The following LRIG2 variants were observed in gnomAD, a reference collection of about 807,000 sequenced individuals.
The protein encoded by LRIG2 is leucine rich repeats and immunoglobulin like domains 2.
LRIG2 carries 93 observed loss-of-function variants against 107.8 expected under a neutral mutation model. The observed-to-expected ratio is 0.86, with a 90% CI of 0.73 to 1.03. The LOEUF (loss-of-function observed/expected upper bound fraction) is 1.03, where lower values mean the gene tolerates loss of function less well. Among genes scored for constraint, LRIG2 ranks in the 50% least tolerant of loss-of-function variants. The pLI is 0.00. For synonymous variants in LRIG2, 471 were observed against 470.6 expected (o/e 1.00, Z -0.01); for missense variants, 1,226 against 1,296.0 (o/e 0.95, Z 0.83).
intron 17 of LRIG2, among the ~76,000 whole-genome samples, chr1:113,123,499 G>A (rs1557924017): frequency 6.6e-6 from 1 of 152,188 alleles, no homozygotes; most frequent in Non-Finnish European, 1.5e-5. Flanking sequence ...GTGTGAACCC[G>A]GGAGGCGGAG....
chr1:113,123,727 T>TGTGTG, intron 17 of LRIG2, 148 bp from the exon 18 acceptor site: 4 of 596,546 alleles, frequency 6.7e-6, no homozygotes, highest in South Asian at 2.0e-5. Context: ...GTGGTGGTTT[T>TGTGTG]TGTGTGTGTG....
intron 17 of LRIG2, 60 bp from the exon 18 acceptor site, chr1:113,123,815 G>A: frequency 3.7e-6 from 5 of 1,342,432 alleles, no homozygotes; most frequent in Non-Finnish European, 2.1e-6. Context: ...TTGAGGATTT[G>A]GCTAAAAGGA....
At chr1:113,120,579 C>T (rs143963656) in intron 17 of LRIG2, among the ~76,000 whole-genome samples, 6 of 147,434 alleles carry the variant, frequency 4.1e-5, no homozygotes, top group East Asian at 4.0e-4. Context: ...GATGCCATCT[C>T]GGCTTACCAG....
chr1:113,086,153 G>A (rs924446061), intron 1 of LRIG2, among the ~76,000 whole-genome samples: 3 of 151,646 alleles, frequency 2.0e-5, no homozygotes, highest in Admixed American at 6.6e-5. Flanking sequence ...ACAGCCACAC[G>A]CCACCACACC....
intron 1 of LRIG2, among the ~76,000 whole-genome samples, chr1:113,088,182 G>A (rs1206348171): frequency 6.6e-6 from 1 of 152,158 alleles, no homozygotes; most frequent in Non-Finnish European, 1.5e-5. Context: ...GGTCCAGAGA[G>A]CCTCATTATA....
At position 113,129,622 on chromosome 1, in the gene LRIG2, C is replaced by T. The variant is rs145134551; in HGVS notation, c.*5521C>T. 9 of 152,308 alleles carry T rather than the reference C, an allele frequency of 5.9e-5. No individual in the cohort carries two copies. In the East Asian group the frequency reaches 1.7e-3, roughly 29 times the overall value. 9.4% of individuals were successfully genotyped at this position (152,308 alleles called of 1,614,324 possible). On this transcript the variant is annotated 3_prime_UTR_variant, in exon 18 of 18. Coordinates refer to ENST00000361127, the MANE Select transcript of LRIG2 (RefSeq NM_014813.3). ...TCTGATCAAGCAATATGTTAACCCTCTAAGTAGGATTAGTGTCCCATGAGT... is the reference window on the plus strand; with the variant it reads ...TCTGATCAAGCAATATGTTAACCCTTTAAGTAGGATTAGTGTCCCATGAGT...
intron 14 of LRIG2, among the ~76,000 whole-genome samples, chr1:113,113,284 T>TA (rs2101058771): frequency 6.6e-6 from 1 of 151,400 alleles, no homozygotes; most frequent in South Asian, 2.1e-4. Context: ...TTCTTAACCC[T>TA]ATTTCTGGTA....
At position 113,115,560 on chromosome 1, in the gene LRIG2, G is replaced by A. The variant is rs183738711; in HGVS notation, c.2530+684G>A. On this transcript the variant is annotated intron_variant, in intron 15 of 17. Transcript: ENST00000361127. Reference sequence around the variant, plus strand: ...TTTTTTTTTTTTGAGATAGAGTCTCGCTCTGTTGCCAGGCTGGAGTGCAGC... The same window carrying A: ...TTTTTTTTTTTTGAGATAGAGTCTCACTCTGTTGCCAGGCTGGAGTGCAGC... Among the ~76,000 whole-genome samples, 818 of 147,798 alleles carry A rather than the reference G, an allele frequency of 5.5e-3. 5 individuals carry two copies. The highest frequency in any genetic ancestry group is 0.019 in the African/African-American group (764 of 39,806).
chr1:113,109,006 C>T (rs1654658217), intron 12 of LRIG2, among the ~76,000 whole-genome samples: 2 of 152,138 alleles, frequency 1.3e-5, no homozygotes, highest in African/African-American at 4.8e-5. Context: ...TATATATTGC[C>T]AAATCTGTTT....
chr1:113,096,497 T>C, intron 8 of LRIG2, 132 bp downstream of exon 8: 2 of 918,632 alleles, frequency 2.2e-6, no homozygotes, highest in Non-Finnish European at 3.3e-6. Context: ...GTCCTATGCC[T>C]CAGAGCAAGG....
chr1:113,125,541 C>G lies in LRIG2; in HGVS notation c.*1440C>G, dbSNP rs961029322. The G allele has an allele frequency of 6.6e-6, 1 of 152,042 alleles. No individual in the cohort carries two copies. Among genetic ancestry groups the G allele is most frequent in the Non-Finnish European group, 1.5e-5 (1 of 68,036 alleles). 9.4% of individuals were successfully genotyped at this position (152,042 alleles called of 1,614,324 possible). Reference sequence around the variant, plus strand: ...TCCTTCAGGAACCAATGAGTTAGATCGGGTTGTTACTTTATGTATAATGAA... The same window carrying G: ...TCCTTCAGGAACCAATGAGTTAGATGGGGTTGTTACTTTATGTATAATGAA... On this transcript the variant is annotated 3_prime_UTR_variant, in exon 18 of 18. Coordinates refer to ENST00000361127, the MANE Select transcript of LRIG2 (RefSeq NM_014813.3).
At chr1:113,099,083 C>A (rs1654191843) in intron 9 of LRIG2, among the ~76,000 whole-genome samples, 1 of 151,920 alleles carries the variant, frequency 6.6e-6, no homozygotes, top group African/African-American at 2.4e-5. Flanking sequence ...ATTACAAGCG[C>A]ATGCCACCAT....
intron 12 of LRIG2, 80 bp downstream of exon 12, chr1:113,107,837 T>A: frequency 7.9e-7 from 1 of 1,270,640 alleles, no homozygotes; most frequent in East Asian, 2.6e-5. Flanking sequence ...CCAGAATGGT[T>A]TTCCACTAGG....
At chr1:113,080,840 T>G (rs1433692703) in intron 1 of LRIG2, among the ~76,000 whole-genome samples, 3 of 145,652 alleles carry the variant, frequency 2.1e-5, no homozygotes, top group Non-Finnish European at 4.6e-5. Flanking sequence ...CTAAAAGTTT[T>G]TTTTTTTTTT....
At chr1:113,095,173 A>AT (rs1425882106) in intron 6 of LRIG2, among the ~76,000 whole-genome samples, 1 of 151,818 alleles carries the variant, frequency 6.6e-6, no homozygotes, top group East Asian at 1.9e-4. Context: ...GGGTTTCACC[A>AT]TGTTGGTCAG....
At chr1:113,079,108 G>A (rs919665471) in intron 1 of LRIG2, among the ~76,000 whole-genome samples, 2 of 152,060 alleles carry the variant, frequency 1.3e-5, no homozygotes, top group African/African-American at 4.8e-5. Context: ...ACTTTCGGAA[G>A]CTGAGGCCGG....
At position 113,073,481 on chromosome 1, in the gene LRIG2, C is replaced by G. The variant is rs982435558; in HGVS notation, c.75C>G (p.Leu25=). The G allele has an allele frequency of 3.1e-6, 5 of 1,614,176 alleles. No individual in the cohort carries two copies. Among genetic ancestry groups the G allele is most frequent in the Non-Finnish European group, 4.2e-6 (5 of 1,180,022 alleles). ...GCRSRVLSRL[L]FIAQTALLLL... is the part of the protein sequence containing the mutation. ...GATCTAGAGTGCTTTCTCGGTTACT[C>G]TTCATTGCCCAGACCGCTCTCCTCC... Residue 25 remains leucine (L), a synonymous_variant, in exon 1 of 18, where the codon CTC becomes CTG. Transcript: ENST00000361127.
chr1:113,102,646 C>T (rs943309850), intron 11 of LRIG2, among the ~76,000 whole-genome samples: 6 of 151,734 alleles, frequency 4.0e-5, no homozygotes, highest in Non-Finnish European at 5.9e-5. Flanking sequence ...AAAAGCATAT[C>T]GAATTTACAG....
intron 17 of LRIG2, among the ~76,000 whole-genome samples, chr1:113,120,621 C>T (rs575265917): frequency 6.6e-6 from 1 of 151,710 alleles, no homozygotes; most frequent in South Asian, 2.1e-4. Context: ...AGCAATTCTC[C>T]TGCCTCAGCC....
Sources: gnomAD v4.1 joint callset for allele counts (sites outside exome capture counted in the v4.1 genomes callset) on GRCh38, gnomAD v4.1.1 for gene constraint, MANE v1.5 for transcripts, NCBI Gene and HGNC (gene_info 2026-07-23, HGNC 2026-07-21) for gene names.